Variants in DHX58 observed in about 807,000 individuals in gnomAD.
The protein encoded by DHX58 is ATP-dependent RNA helicase DHX58.
A neutral mutation model predicts 65.0 loss-of-function variants in DHX58; 51 were observed. The ratio of observed to expected loss-of-function variants is 0.78; its 90% CI spans 0.63 to 0.99. DHX58 has a LOEUF of 0.99. Among genes scored for constraint, DHX58 ranks in the 50% least tolerant of loss-of-function variants. The pLI is 0.00. For missense variants in DHX58, 773 were observed against 891.8 expected, an observed-to-expected ratio of 0.87 and a Z score of 1.70; for synonymous variants, 350 against 365.0, an observed-to-expected ratio of 0.96 and a Z score of 0.47.
intron 9 of DHX58, 36 bp downstream of exon 9, chr17:42,105,700 C>T (rs368336560): frequency 8.9e-5 from 136 of 1,523,778 alleles, no homozygotes; most frequent in Non-Finnish European, 1.2e-4. Flanking sequence ...CTATGGAATC[C>T]CTCCCAGCGC....
In DHX58 at chr17:42,108,049, C is replaced by T; in HGVS notation, c.738G>A (p.Met246Ile). ...LMDQIHDHLE[M>I]PELSRKFGTQ... ...TCCCAAATTTCCGGCTCAACTCAGGCATCTCCAGGTGGTCATGGATTTGGT... is the reference window on the plus strand; with the variant it reads ...TCCCAAATTTCCGGCTCAACTCAGGTATCTCCAGGTGGTCATGGATTTGGT... Residue 246 changes from methionine (M) to isoleucine (I), a missense_variant, in exon 7 of 14, where the codon ATG becomes ATA. Transcript: ENST00000251642. 2 of 1,614,274 alleles carry T rather than the reference C, an allele frequency of 1.2e-6. No individual in the cohort carries two copies. Among genetic ancestry groups the T allele is most frequent in the South Asian group, 1.1e-5 (1 of 91,084 alleles).
chr17:42,104,741 CA>C, intron 11 of DHX58, 24 bp downstream of exon 11: 1 of 1,611,674 alleles, frequency 6.2e-7, no homozygotes, highest in Non-Finnish European at 8.5e-7. Flanking sequence ...ATCCCTCCCA[CA>C]GGGCATGCAG....
intron 8 of DHX58, 63 bp from the exon 9 acceptor site, chr17:42,106,052 G>A: frequency 6.5e-7 from 1 of 1,544,962 alleles, no homozygotes; most frequent in Non-Finnish European, 8.7e-7. Context: ...CAGATACTTG[G>A]GAGGCTGAGG....
chr17:42,108,768 T>A (rs1446742385), intron 6 of DHX58, among the ~76,000 whole-genome samples: 1 of 151,702 alleles, frequency 6.6e-6, no homozygotes, highest in African/African-American at 2.4e-5. Context: ...GTGGACAGTG[T>A]GAGAGAGCCG....
At chr17:42,111,657 TGG>T in intron 3 of DHX58, 66 bp downstream of exon 3, 1 of 1,573,350 alleles carries the variant, frequency 6.4e-7, no homozygotes, top group South Asian at 1.2e-5. Flanking sequence ...TGGTGGGGAC[TGG>T]GAGATGCCTG....
intron 2 of DHX58, 23 bp from the exon 3 acceptor site, chr17:42,111,916 AC>A: frequency 6.3e-7 from 1 of 1,588,274 alleles, no homozygotes; most frequent in Non-Finnish European, 8.6e-7. Context: ...GGGGACTCAG[AC>A]CCACCGACTC....
intron 11 of DHX58, 140 bp downstream of exon 11, chr17:42,104,626 T>A: frequency 8.5e-7 from 1 of 1,170,262 alleles, no homozygotes; most frequent in Non-Finnish European, 1.2e-6. Context: ...CCGGCCCTTA[T>A]TTAAACCTTC....
At position 42,104,890 on chromosome 17, in the gene DHX58, G is replaced by A. The variant is rs774769302; in HGVS notation, c.1439C>T (p.Ala480Val). Residue 480 changes from alanine (A) to valine (V), a missense_variant, in exon 11 of 14, where the codon GCG becomes GTG. Transcript: ENST00000251642. The stretch of plus-strand genomic sequence containing the variant: ...CCGGCTACCTTCAGTTGCTACAAAC[G>A]CGTATACACTCTGATCGGCCCGGGC... ...GRARADQSVYAFVATEGSREL... is the reference protein window; with the variant it reads ...GRARADQSVYVFVATEGSREL... 5 of 1,614,130 alleles carry A rather than the reference G, an allele frequency of 3.1e-6. No individual in the cohort carries two copies. Among genetic ancestry groups the A allele is most frequent in the Admixed American group, 3.3e-5 (2 of 60,020 alleles).
chr17:42,103,765 G>T lies in DHX58; in HGVS notation c.1597C>A (p.Arg533=), dbSNP rs550758764. 1.9e-6 allele frequency: 3 copies of T among 1,610,412 alleles called. No individual in the cohort carries two copies. Among genetic ancestry groups the T allele is most frequent in the Admixed American group, 3.3e-5 (2 of 60,022 alleles). Residue 533 remains arginine (R), a synonymous_variant, in exon 12 of 14, where the codon CGG becomes AGG. Transcript: ENST00000251642. ...TCCCGCTGGGCTGCCTGGGCCGCCC[G>T]CTTGGTCAAGGCTGCCTGCTGCAGA... ...RDLQQAALTK[R]AAQAAQRENQ...
chr17:42,107,577 G>A, intron 8 of DHX58, 27 bp downstream of exon 8: 1 of 1,514,874 alleles, frequency 6.6e-7, no homozygotes, highest in Admixed American at 2.0e-5. Flanking sequence ...ATCATCCCCG[G>A]CCCCGAAGCC....
chr17:42,108,188 T>C, intron 6 of DHX58, 80 bp from the exon 7 acceptor site: 3 of 1,596,926 alleles, frequency 1.9e-6, no homozygotes, highest in South Asian at 1.1e-5. Context: ...CCCCGGCGTG[T>C]AGCACACCGC....
rs781840105 is a variant in DHX58, at chr17:42,105,026, T to C, written c.1393A>G (p.Met465Val). 3 of 1,612,998 alleles carry C rather than the reference T, an allele frequency of 1.9e-6. No individual in the cohort carries two copies. The highest frequency in any genetic ancestry group is 1.3e-5 in the African/African-American group (1 of 74,860). ...GAGGAGGATGTGAGTACCTGGACCA[T>C]GGAGATTTCATTGGTCAAGAGCCCA... The part of the protein sequence containing the change: ...RYGLLTNEIS[M>V]VQARGRARAD... Residue 465 changes from methionine (M) to valine (V), a missense_variant, in exon 10 of 14, where the codon ATG becomes GTG. Met to Val is a conservative substitution (Grantham distance 21, BLOSUM62 1). Transcript: ENST00000251642.
rs1555663169 is a variant in DHX58, at chr17:42,107,921, C to CAA, written c.805+60_805+61insTT. 795 of 1,607,446 alleles carry CAA rather than the reference C, an allele frequency of 4.9e-4. 10 individuals are homozygous for CAA. In the East Asian group the frequency reaches 0.014, roughly 29 times the overall value. On this transcript the variant is annotated intron_variant, in intron 7 of 13. Coordinates refer to ENST00000251642, the MANE Select transcript of DHX58 (RefSeq NM_024119.3). The stretch of plus-strand genomic sequence containing the variant: ...CCCGCCCCAAAGGCCTCCGCCCCGG[C>CAA]AGGCCCCGCCCCTGACCACTCCCAC...
chr17:42,102,465 G>T (rs2053994158), intron 12 of DHX58, 153 bp from the exon 13 acceptor site: 1 of 659,164 alleles, frequency 1.5e-6, no homozygotes, highest in Admixed American at 2.5e-5. Flanking sequence ...AATCTTTGGT[G>T]AGTTCTACCT....
rs782295988 is a variant in DHX58, at chr17:42,101,781, A to C, written c.2017T>G (p.Ser673Ala). 6.2e-7 allele frequency: 1 copy of C among 1,614,214 alleles called. No homozygotes were observed. ...DFLQHCAENL[S>A]DLSLD ...GGTGGTCAGTCCAGGGAGAGGTCCG[A>C]CAAGTTCTCGGCACAATGCTGCAGG... Residue 673 changes from serine (S) to alanine (A), a missense_variant, in exon 14 of 14, where the codon TCG becomes GCG. Physicochemically the swap from Ser to Ala is moderately conservative, Grantham distance 99 (BLOSUM62 1). Transcript: ENST00000251642.
At position 42,107,661 on chromosome 17, in the gene DHX58, G is replaced by C; in HGVS notation, c.940C>G (p.His314Asp). The C allele has an allele frequency of 1.9e-6, 3 of 1,613,290 alleles. No homozygotes were observed. The South Asian group carries it at 3.3e-5, about 18-fold the overall frequency. The change falls in exon 8 of 14, where the codon CAC (histidine) becomes GAC (aspartate). Residue 314 changes from histidine to aspartate, a missense_variant. Transcript: ENST00000251642. Reference sequence around the variant, plus strand: ...CACAGGATCTGGGTTTTAGTGACGTGCTCCCTGTGATAGAAATCCTGCAGC... The same window carrying C: ...CACAGGATCTGGGTTTTAGTGACGTCCTCCCTGTGATAGAAATCCTGCAGC... ...AALQDFYHRE[H>D]VTKTQILCAE...
intron 6 of DHX58, among the ~76,000 whole-genome samples, chr17:42,109,059 G>C (rs906765057): frequency 3.9e-5 from 6 of 152,258 alleles, no homozygotes; most frequent in African/African-American, 7.2e-5. Flanking sequence ...TGATGTGACA[G>C]ACACCAGTGG....
At position 42,103,736 on chromosome 17, in the gene DHX58, G is replaced by T. The variant is rs782311052; in HGVS notation, c.1626C>A (p.Asn542Lys). 2.2e-5 allele frequency: 36 copies of T among 1,613,126 alleles called. No individual in the cohort carries two copies. In the Admixed American group the frequency reaches 6.0e-4, roughly 27 times the overall value. Residue 542 changes from asparagine (N) to lysine (K), a missense_variant, in exon 12 of 14, where the codon AAC (asparagine) becomes AAA (lysine). Coordinates refer to ENST00000251642, the MANE Select transcript of DHX58 (RefSeq NM_024119.3). ...KRAAQAAQRENQRQQFPVEHV... is the reference protein window; with the variant it reads ...KRAAQAAQREKQRQQFPVEHV... The stretch of plus-strand genomic sequence containing the variant: ...GCTCCACTGGGAACTGCTGCCGCTG[G>T]TTCTCCCGCTGGGCTGCCTGGGCCG...
chr17:42,109,203 G>A, intron 6 of DHX58, 67 bp downstream of exon 6: 2 of 1,391,094 alleles, frequency 1.4e-6, no homozygotes, highest in Non-Finnish European at 2.0e-6. Flanking sequence ...GCAGAGTCAG[G>A]GCCCAAGCCT....
Sources: allele counts gnomAD v4.1 joint callset (sites outside exome capture counted in the v4.1 genomes callset), GRCh38; gene constraint gnomAD v4.1.1; transcripts MANE v1.5; gene names NCBI Gene and HGNC (gene_info 2026-07-23, HGNC 2026-07-21).